The following F10 variants were observed in gnomAD, a reference collection of about 807,000 sequenced individuals.
The protein encoded by F10 is coagulation factor X.
In F10, 29 loss-of-function variants were observed where a neutral mutation model predicts 37.1. The ratio of observed to expected loss-of-function variants is 0.78; its 90% CI spans 0.58 to 1.07. The LOEUF (loss-of-function observed/expected upper bound fraction) is 1.07, where lower values mean the gene tolerates loss of function less well. F10 is among the 50% of genes least tolerant of loss of function. The pLI is 0.00. For missense variants in F10, 539 were observed against 667.9 expected (o/e 0.81, Z 2.13); for synonymous variants, 262 against 268.6 (o/e 0.98, Z 0.24).
chr13:113,137,010 C>A (rs2036485205), intron 2 of F10, among the ~76,000 whole-genome samples: 1 of 151,732 alleles, frequency 6.6e-6, no homozygotes, highest in Non-Finnish European at 1.5e-5. Context: ...GTCTCGAACT[C>A]CTGACCTCAA....
intron 2 of F10, 103 bp downstream of exon 2, chr13:113,129,715 G>C (rs2036410161): frequency 3.3e-6 from 5 of 1,495,498 alleles, no homozygotes; most frequent in Non-Finnish European, 4.6e-6. Flanking sequence ...TGGAGGAAGG[G>C]GCAGCGTGCG....
At position 113,144,965 on chromosome 13, in the gene F10, A is replaced by ACTG. The variant is rs2036567621; in HGVS notation, c.747+871_747+872insTGC. Among the ~76,000 whole-genome samples, 1 of 149,534 alleles carries ACTG rather than the reference A, an allele frequency of 6.7e-6. No individual in the cohort carries two copies. The highest frequency in any genetic ancestry group is 2.1e-4 in the South Asian group (1 of 4,724). ...GCGATCTCGGCTCACTGCAACCTCC[A>ACTG]CCTCCCAGGTTCATGTCATTCTCCT... On this transcript the variant is annotated intron_variant, in intron 6 of 7. Transcript: ENST00000375559. The surrounding 1 kb of genome is among the most constrained non-coding windows in gnomAD (Gnocchi z 6.4).
rs1022896878 is a variant in F10, at chr13:113,139,753, T to C, written c.370+283T>C. Reference sequence around the variant, plus strand: ...GAACATTGATGAAGCGTGTGATCCATTCATGTGTAAACAGGAGTGGACTCT... The same window carrying C: ...GAACATTGATGAAGCGTGTGATCCACTCATGTGTAAACAGGAGTGGACTCT... On this transcript the variant is annotated intron_variant, in intron 4 of 7. Coordinates refer to ENST00000375559, the MANE Select transcript of F10 (RefSeq NM_000504.4). This position sits in a 1 kb window ranked among gnomAD's most constrained non-coding sequence, Gnocchi z 5.2. Among the ~76,000 whole-genome samples, 3 of 152,000 alleles carry C rather than the reference T, an allele frequency of 2.0e-5. No homozygotes were observed. The highest frequency in any genetic ancestry group is 7.3e-5 in the African/African-American group (3 of 41,376).
chr13:113,140,474 G>C (rs751544729), intron 4 of F10: 2 of 470,598 alleles, frequency 4.2e-6, no homozygotes, highest in Non-Finnish European at 4.4e-6. Context: ...TTCCAAGTCC[G>C]CAGTCGCCTC....
chr13:113,149,509 T>A lies in F10; in HGVS notation c.1459T>A (p.Leu487Ile). 6.2e-7 allele frequency: 1 copy of A among 1,613,026 alleles called. No individual in the cohort carries two copies. The highest frequency in any genetic ancestry group is 8.5e-7 in the Non-Finnish European group (1 of 1,180,038). ...HAPEVITSSP[L>I]K ...CCCGGAGGTCATAACGTCCTCTCCA[T>A]TAAAGTGAGATCCCACTCAAGGCCT... The change falls in exon 8 of 8, where the codon TTA (leucine) becomes ATA (isoleucine). Residue 487 changes from leucine (L) to isoleucine (I), a missense_variant. Leu to Ile is a conservative substitution (Grantham distance 5). Transcript: ENST00000375559. This position sits in a 1 kb window ranked among gnomAD's most constrained non-coding sequence, Gnocchi z 7.5.
intron 3 of F10, 71 bp downstream of exon 3, chr13:113,138,552 C>T: frequency 2.1e-6 from 2 of 970,044 alleles, no homozygotes; most frequent in South Asian, 2.8e-5. Flanking sequence ...GAAAATAGTT[C>T]CTGAATTTCC....
intron 2 of F10, among the ~76,000 whole-genome samples, chr13:113,133,196 GA>G (rs980370935): frequency 1.3e-4 from 19 of 151,162 alleles, no homozygotes; most frequent in African/African-American, 3.6e-4. Context: ...TAGAAAAAAA[GA>G]AAAAAATAAA....
intron 4 of F10, chr13:113,140,671 C>T: frequency 2.9e-6 from 2 of 678,662 alleles, no homozygotes; most frequent in African/African-American, 1.8e-5. Context: ...TACCGGCCAT[C>T]CCGGAGGTGT....
intron 2 of F10, among the ~76,000 whole-genome samples, 196 bp from the exon 3 acceptor site, chr13:113,138,261 C>T (rs1439399667): frequency 6.6e-6 from 1 of 152,130 alleles, no homozygotes; most frequent in Non-Finnish European, 1.5e-5. Flanking sequence ...ATGACTGAAG[C>T]CACATCTTCA....
Position 113,144,132 on chromosome 13 carries a change from A to C in F10, c.747+37A>C. On this transcript the variant is annotated intron_variant, in intron 6 of 7. Transcript: ENST00000375559. The surrounding 1 kb of genome is among the most constrained non-coding windows in gnomAD (Gnocchi z 6.4). ...ATGTCCCCTCGGGCCTGCTGGAGAG[A>C]CCACCTGTCCCGCTGTGCACCTCGG... is the stretch of plus-strand genomic sequence containing the variant. 6.2e-7 allele frequency: 1 copy of C among 1,612,144 alleles called. No individual in the cohort carries two copies. The highest frequency in any genetic ancestry group is 8.5e-7 in the Non-Finnish European group (1 of 1,179,868).
Position 113,122,882 on chromosome 13 carries a change from G to T in F10, c.27G>T (p.Leu9=). 3 of 1,610,792 alleles carry T rather than the reference G, an allele frequency of 1.9e-6. No homozygotes were observed. Among genetic ancestry groups the T allele is most frequent in the South Asian group, 2.2e-5 (2 of 91,084 alleles). ...TGGGGCGCCCACTGCACCTCGTCCT[G>T]CTCAGTGCCTCCCTGGCTGGCCTCC... MGRPLHLV[L]LSASLAGLLL... The change falls in exon 1 of 8, where the codon CTG becomes CTT. Residue 9 remains leucine (L), a synonymous_variant. Coordinates refer to ENST00000375559, the MANE Select transcript of F10 (RefSeq NM_000504.4).
In F10 at chr13:113,139,415, C is replaced by G. The variant is rs748636351; in HGVS notation, c.315C>G (p.Leu105=). The change falls in exon 4 of 8, where the codon CTC becomes CTG. Residue 105 remains leucine (L), a synonymous_variant. Transcript: ENST00000375559. This position sits in a 1 kb window ranked among gnomAD's most constrained non-coding sequence, Gnocchi z 5.2. ...CQNQGKCKDG[L]GEYTCTCLEG... ...ACCAGGGCAAATGTAAAGACGGCCTCGGGGAATACACCTGCACCTGTTTAG... is the reference window on the plus strand; with the variant it reads ...ACCAGGGCAAATGTAAAGACGGCCTGGGGGAATACACCTGCACCTGTTTAG... 2.5e-6 allele frequency: 4 copies of G among 1,613,872 alleles called. No individual in the cohort carries two copies. The highest frequency in any genetic ancestry group is 1.1e-5 in the South Asian group (1 of 91,066).
Position 113,143,365 on chromosome 13 carries a change from AC to A in F10, c.503-485del, listed in dbSNP as rs1174859909. The stretch of plus-strand genomic sequence containing the variant: ...CGTGCGCCATTCCTTCTGCCTGAAA[AC>A]TTTTTTTTCTTCAATGTTTCATTAG... On this transcript the variant is annotated intron_variant, in intron 5 of 7. Coordinates refer to ENST00000375559, the MANE Select transcript of F10 (RefSeq NM_000504.4). This position sits in a 1 kb window ranked among gnomAD's most constrained non-coding sequence, Gnocchi z 6.8. 6.6e-6 allele frequency among the ~76,000 whole-genome samples: 1 copy of A among 151,772 alleles called. No homozygotes were observed. Among genetic ancestry groups the A allele is most frequent in the Non-Finnish European group, 1.5e-5 (1 of 67,948 alleles).
Position 113,144,220 on chromosome 13 carries a change from G to A in F10, c.747+125G>A. The A allele has an allele frequency of 6.9e-7, 1 of 1,452,096 alleles. No homozygotes were observed. The highest frequency in any genetic ancestry group is 1.2e-5 in the South Asian group (1 of 82,636). 90.0% of individuals were successfully genotyped at this position (1,452,096 alleles called of 1,614,324 possible). A position where few individuals can be genotyped will look rare whatever the true frequency, so the allele number is the denominator to read the frequency against. ...GGAACTGTTCCGAACTAGGACAGAG[G>A]GGCTCCGCCACCCAAGCCTGCCTGC... On this transcript the variant is annotated intron_variant, in intron 6 of 7. Transcript: ENST00000375559. The surrounding 1 kb of genome is among the most constrained non-coding windows in gnomAD (Gnocchi z 6.4).
At chr13:113,128,959 T>G (rs554205288) in intron 1 of F10, 153 of 173,002 alleles carry the variant, frequency 8.8e-4, no homozygotes, top group African/African-American at 3.3e-3. Context: ...GTAAGGGGGT[T>G]CTCTACAGAA....
intron 7 of F10, among the ~76,000 whole-genome samples, chr13:113,147,927 A>T (rs553519116): frequency 1.3e-5 from 2 of 152,286 alleles, no homozygotes; most frequent in Admixed American, 6.5e-5. Context: ...GTCTTTGTCC[A>T]CTAGACCCTA....
At chr13:113,123,689 G>C (rs553546266) in intron 1 of F10, among the ~76,000 whole-genome samples, 348 of 152,254 alleles carry the variant, frequency 2.3e-3, no homozygotes, top group African/African-American at 7.5e-3. Context: ...AGACCCTCGT[G>C]GGGTGGAAAG....
At position 113,144,214 on chromosome 13, in the gene F10, A is replaced by G; in HGVS notation, c.747+119A>G. 2.7e-6 allele frequency: 4 copies of G among 1,494,474 alleles called. No individual in the cohort carries two copies. Among genetic ancestry groups the G allele is most frequent in the Non-Finnish European group, 3.6e-6 (4 of 1,100,100 alleles). The allele number at this position is 1,494,474 out of a possible 1,614,324, so 92.6% of individuals were successfully genotyped here. On this transcript the variant is annotated intron_variant, in intron 6 of 7. Coordinates refer to ENST00000375559, the MANE Select transcript of F10 (RefSeq NM_000504.4). The surrounding 1 kb of genome is among the most constrained non-coding windows in gnomAD (Gnocchi z 6.4). ...CGGGAAGGAACTGTTCCGAACTAGG[A>G]CAGAGGGGCTCCGCCACCCAAGCCT...
rs1285010880 is a variant in F10, at chr13:113,143,306, A to C, written c.503-545A>C. Among the ~76,000 whole-genome samples the C allele has an allele frequency of 6.6e-6, 1 of 152,084 alleles. No individual in the cohort carries two copies. The highest frequency in any genetic ancestry group is 1.5e-5 in the Non-Finnish European group (1 of 68,008). On this transcript the variant is annotated intron_variant, in intron 5 of 7. Coordinates refer to ENST00000375559, the MANE Select transcript of F10 (RefSeq NM_000504.4). This position sits in a 1 kb window ranked among gnomAD's most constrained non-coding sequence, Gnocchi z 6.8. ...GCGTGGCCTCTCTGGGAGCTGTGCT[A>C]TTCCAGACGCTCTCCTGTGCCTCCA... is the stretch of plus-strand genomic sequence containing the variant.
Sources: gnomAD v4.1 joint callset for allele counts (sites outside exome capture counted in the v4.1 genomes callset) on GRCh38, gnomAD v4.1.1 for gene constraint, Gnocchi (gnomAD v3.1) non-coding constraint, MANE v1.5 for transcripts, NCBI Gene and HGNC (gene_info 2026-07-23, HGNC 2026-07-21) for gene names.